The following OVCH1 variants were observed in gnomAD, a reference collection of about 807,000 sequenced individuals.
OVCH1 encodes ovochymase-1.
A neutral mutation model predicts 138.4 loss-of-function variants in OVCH1; 139 were observed. The observed-to-expected ratio is 1.00, with a 90% CI of 0.87 to 1.16. The LOEUF (loss-of-function observed/expected upper bound fraction) is 1.16. Ranked by LOEUF, OVCH1 falls within the 50% of genes most tolerant of loss-of-function variation. The pLI, the probability that OVCH1 is intolerant of heterozygous loss-of-function variation, is 0.00. For synonymous variants in OVCH1, 453 were observed against 467.8 expected, an observed-to-expected ratio of 0.97 and a Z score of 0.41; for missense variants, 1,367 against 1,357.9, an observed-to-expected ratio of 1.01 and a Z score of -0.11.
chr12:29,413,245 AC>A (rs1481959234), intron 3 of OVCH1, among the ~76,000 whole-genome samples: 2 of 152,244 alleles, frequency 1.3e-5, no homozygotes, highest in East Asian at 1.9e-4. Flanking sequence ...TTTATATGTT[AC>A]CAGTTTGCTC....
the OVCH1 span, among the ~76,000 whole-genome samples, chr12:29,403,462 A>G: frequency 6.6e-6 from 1 of 152,098 alleles, no homozygotes; most frequent in African/African-American, 2.4e-5. Flanking sequence ...TTTTGGTGCA[A>G]TGTGTAAAAT....
In OVCH1 at chr12:29,444,165, A is replaced by G. The variant is rs756329296; in HGVS notation, c.2997T>C (p.Asn999=). 6.2e-6 allele frequency: 10 copies of G among 1,607,892 alleles called. No homozygotes were observed. In the Admixed American group the frequency reaches 1.7e-4, roughly 27 times the overall value. The change falls in exon 24 of 28, where the codon AAT becomes AAC. Residue 999 remains asparagine (N), a synonymous_variant. Transcript: ENST00000318184. ...CTTACCCCATAGTAGTTCTGTGAGA[A>G]TTTCTTGGGATCTGCATGATCCCTT...
intron 27 of OVCH1, among the ~76,000 whole-genome samples, chr12:29,428,999 C>G (rs982654100): frequency 1.3e-5 from 2 of 152,184 alleles, no homozygotes; most frequent in African/African-American, 4.8e-5. Context: ...ACAGGTGCCT[C>G]TCATGTACAA....
chr12:29,492,518 A>G (rs115039962), intron 4 of OVCH1, among the ~76,000 whole-genome samples: 3,087 of 152,198 alleles, frequency 0.02, 39 homozygotes, highest in African/African-American at 0.039. Context: ...AAACATTAGG[A>G]AGACAGAAGA....
At chr12:29,431,788 T>C (rs944097786) in intron 27 of OVCH1, among the ~76,000 whole-genome samples, 2 of 152,204 alleles carry the variant, frequency 1.3e-5, no homozygotes, top group African/African-American at 4.8e-5. Context: ...ATGTCTACAT[T>C]AAAGGTTTTC....
intron 16 of OVCH1, among the ~76,000 whole-genome samples, chr12:29,469,971 C>G (rs897259297): frequency 1.3e-5 from 2 of 152,156 alleles, no homozygotes; most frequent in Non-Finnish European, 2.9e-5. Context: ...AGAACCTACT[C>G]ACAAGGGATT....
At chr12:29,484,504 A>G (rs1248041941) in intron 8 of OVCH1, among the ~76,000 whole-genome samples, 5 of 152,202 alleles carry the variant, frequency 3.3e-5, no homozygotes, top group Non-Finnish European at 7.3e-5. Flanking sequence ...AAATGCCAAA[A>G]TAAGCCAAGT....
chr12:29,440,557 C>G (rs1941457997), intron 25 of OVCH1: 1 of 322,612 alleles, frequency 3.1e-6, no homozygotes. Flanking sequence ...GATTAACATG[C>G]CTTCTCTTAT....
chr12:29,465,209 G>T (rs1351427255), exon 17 of OVCH1: 9 of 1,599,742 alleles, frequency 5.6e-6, no homozygotes, highest in Non-Finnish European at 7.7e-6. Flanking sequence ...CAGGAGAGTG[G>T]ATTATTCTTC....
chr12:29,493,903 A>G (rs1213368332), intron 4 of OVCH1, among the ~76,000 whole-genome samples: 1 of 152,228 alleles, frequency 6.6e-6, no homozygotes, highest in Non-Finnish European at 1.5e-5. Flanking sequence ...TTATGGGAAT[A>G]TATTAAACCT....
intron 16 of OVCH1, among the ~76,000 whole-genome samples, chr12:29,466,206 CT>C (rs1942313495): frequency 6.6e-6 from 1 of 151,926 alleles, no homozygotes; most frequent in African/African-American, 2.4e-5. Context: ...TGTAACAAAC[CT>C]GCACGTTGTG....
intron 8 of OVCH1, among the ~76,000 whole-genome samples, chr12:29,481,944 C>G (rs142560241): frequency 7.2e-5 from 11 of 152,334 alleles, no homozygotes; most frequent in African/African-American, 2.6e-4. Context: ...CAAATGTGGT[C>G]AAAGCTAGAC....
the OVCH1 span, among the ~76,000 whole-genome samples, chr12:29,407,040 G>A: frequency 3.4e-4 from 51 of 152,062 alleles, no homozygotes; most frequent in East Asian, 5.6e-3. Flanking sequence ...TTTGATTTGC[G>A]TTTCTCTGAT....
At chr12:29,465,098 G>A (rs1286420869) in intron 17 of OVCH1, 49 bp downstream of exon 17, 3 of 1,481,112 alleles carry the variant, frequency 2.0e-6, no homozygotes, top group Non-Finnish European at 2.8e-6. Flanking sequence ...CTTGGCATGT[G>A]ACAACATTTA....
At position 29,491,086 on chromosome 12, in the gene OVCH1, G is replaced by A. The variant is rs757623690; in HGVS notation, c.550+11C>T. ...CTGGAAGAAGTATTAAGTCATTTTG[G>A]TGTCTCTTACTTTTGGAAATCTTGC... is the stretch of plus-strand genomic sequence containing the variant. On this transcript the variant is annotated intron_variant, in intron 5 of 27. Transcript: ENST00000318184. 1.9e-5 allele frequency: 31 copies of A among 1,605,854 alleles called. No individual in the cohort carries two copies. In the Admixed American group the frequency reaches 3.8e-4, roughly 20 times the overall value.
chr12:29,475,033 T>C (rs368271862), intron 14 of OVCH1, 28 bp downstream of exon 14: 35 of 1,566,090 alleles, frequency 2.2e-5, no homozygotes, highest in Non-Finnish European at 2.9e-5. Flanking sequence ...TAAACAAAAG[T>C]CCTTATTACA....
chr12:29,487,939 A>G, intron 6 of OVCH1, 57 bp from the exon 7 acceptor site: 2 of 1,485,512 alleles, frequency 1.3e-6, no homozygotes, highest in Non-Finnish European at 1.8e-6. Context: ...AAAATATTTC[A>G]TCATTTCTGT....
At chr12:29,416,078 C>CAAAA (rs35897065) in intron 3 of OVCH1, among the ~76,000 whole-genome samples, 2 of 145,750 alleles carry the variant, frequency 1.4e-5, no homozygotes, top group African/African-American at 5.1e-5. Flanking sequence ...ACAAAAAAAG[C>CAAAA]AAAAAAAAAA....
At chr12:29,444,983 A>C (rs1009689617) in intron 23 of OVCH1, among the ~76,000 whole-genome samples, 4 of 152,136 alleles carry the variant, frequency 2.6e-5, no homozygotes, top group African/African-American at 9.6e-5. Flanking sequence ...CAGCTACAGA[A>C]AACATTCTTT....
Sources: allele counts gnomAD v4.1 joint callset (sites outside exome capture counted in the v4.1 genomes callset), GRCh38; gene constraint gnomAD v4.1.1; transcripts MANE v1.5; gene names NCBI Gene and HGNC (gene_info 2026-07-23, HGNC 2026-07-21).